HK1: variants seen among roughly 807,000 people sequenced by gnomAD.
The protein encoded by HK1 is hexokinase-1.
A neutral mutation model predicts 91.6 loss-of-function variants in HK1; 28 were observed. That is an observed-to-expected ratio of 0.31 (90% confidence interval 0.23 to 0.42). The LOEUF is 0.42. Ranked by LOEUF, HK1 falls within the 10% of genes least tolerant of loss-of-function variation. HK1 has a pLI of 1.00. For synonymous variants in HK1, 430 were observed against 468.1 expected (o/e 0.92, Z 1.05); for missense variants, 770 against 1,219.8 (o/e 0.63, Z 5.49).
intron 1 of HK1, chr10:69,338,567 C>T (rs1304648534): frequency 7.8e-7 from 1 of 1,289,542 alleles, no homozygotes; most frequent in Non-Finnish European, 1.0e-6. Flanking sequence ...TCCCCAACTC[C>T]CAAATGGAGT....
chr10:69,349,586 G>A (rs1303153366), intron 2 of HK1, among the ~76,000 whole-genome samples: 3 of 152,198 alleles, frequency 2.0e-5, no homozygotes, highest in Middle Eastern at 3.2e-3. Flanking sequence ...TACAGGGGAA[G>A]GAGGCAGAGA....
At chr10:69,283,026 T>G (rs1363293678) in intron 2 of HK1, among the ~76,000 whole-genome samples, 1 of 145,484 alleles carries the variant, frequency 6.9e-6, no homozygotes, top group African/African-American at 2.6e-5. Context: ...CTTCGGAGGC[T>G]GAGGCAGGAG....
In HK1 at chr10:69,358,758, G is replaced by A. The variant is rs571332923; in HGVS notation, c.227-1139G>A. 3.3e-5 allele frequency among the ~76,000 whole-genome samples: 5 copies of A among 151,848 alleles called. No homozygotes were observed. The South Asian group carries it at 1.0e-3, about 32-fold the overall frequency. ...GATGCCTGTAATCCCAGCTACTCGG[G>A]AAGCTGAGGCAGGAGAATCACTTGA... On this transcript the variant is annotated intron_variant, in intron 2 of 17. Coordinates refer to ENST00000359426, the MANE Select transcript of HK1 (RefSeq NM_000188.3).
chr10:69,306,615 A>G (rs1328191741), intron 5 of HK1, among the ~76,000 whole-genome samples: 1 of 152,196 alleles, frequency 6.6e-6, no homozygotes, highest in Admixed American at 6.5e-5. Flanking sequence ...AAGTAAAGTA[A>G]GCATAGAATA....
At position 69,382,511 on chromosome 10, in the gene HK1, T is replaced by A; in HGVS notation, c.1290T>A (p.Thr430=). 6.2e-7 allele frequency: 1 copy of A among 1,614,182 alleles called. No individual in the cohort carries two copies. Among genetic ancestry groups the A allele is most frequent in the South Asian group, 1.1e-5 (1 of 91,080 alleles). ...GGTATTCCCGGCGTTTCCACAAGAC[T>A]CTAAGGCGCTTGGTGCCAGACTCCG... ...HPQYSRRFHK[T]LRRLVPDSDV... The change falls in exon 10 of 18, where the codon ACT becomes ACA. Residue 430 remains threonine (T), a synonymous_variant. Transcript: ENST00000359426.
intron 3 of HK1, among the ~76,000 whole-genome samples, chr10:69,362,771 C>T (rs1440494448): frequency 2.0e-5 from 3 of 152,148 alleles, no homozygotes; most frequent in East Asian, 1.9e-4. Flanking sequence ...GTGCAGATGG[C>T]GTGGGGCGCC....
intron 1 of HK1, among the ~76,000 whole-genome samples, chr10:69,273,121 C>T (rs975441668): frequency 6.6e-6 from 1 of 150,972 alleles, no homozygotes; most frequent in Non-Finnish European, 1.5e-5. Flanking sequence ...ATTTCCGCCT[C>T]TTGGGTTCAA....
chr10:69,354,299 AAAG>A (rs1164412162), intron 2 of HK1, among the ~76,000 whole-genome samples: 1 of 152,232 alleles, frequency 6.6e-6, no homozygotes, highest in African/African-American at 2.4e-5. Flanking sequence ...ATACTGTTAA[AAAG>A]AACTGCCTAA....
chr10:69,371,496 C>A (rs1850003569), intron 7 of HK1, among the ~76,000 whole-genome samples: 1 of 152,206 alleles, frequency 6.6e-6, no homozygotes, highest in South Asian at 2.1e-4. Flanking sequence ...CTAAAATTCT[C>A]AAATCTCCAC....
chr10:69,352,502 T>C (rs1848930059), intron 2 of HK1, among the ~76,000 whole-genome samples: 1 of 152,190 alleles, frequency 6.6e-6, no homozygotes, highest in African/African-American at 2.4e-5. Flanking sequence ...AGTGGCTTCA[T>C]GTGATATATA....
intron 14 of HK1, 89 bp downstream of exon 14, chr10:69,389,385 C>T: frequency 1.5e-6 from 1 of 663,438 alleles, no homozygotes; most frequent in Non-Finnish European, 2.5e-6. Flanking sequence ...GCTTGGTCCT[C>T]TGTATGGGGT....
At chr10:69,302,144 G>A (rs1360562109) in intron 5 of HK1, among the ~76,000 whole-genome samples, 3 of 151,812 alleles carry the variant, frequency 2.0e-5, no homozygotes, top group African/African-American at 7.3e-5. Flanking sequence ...CTACTTGGGA[G>A]GCTGAGGCAG....
At chr10:69,294,861 C>CAATA (rs777530931) in intron 3 of HK1, among the ~76,000 whole-genome samples, 129 of 151,052 alleles carry the variant, frequency 8.5e-4, no homozygotes, top group African/African-American at 2.8e-3. Flanking sequence ...GACTCCATCT[C>CAATA]AATAAATAAA....
chr10:69,398,818 C>G lies in HK1; in HGVS notation c.2599C>G (p.Leu867Val), dbSNP rs1840257966. 29 of 1,609,576 alleles carry G rather than the reference C, an allele frequency of 1.8e-5. No homozygotes were observed. The highest frequency in any genetic ancestry group is 2.5e-5 in the Non-Finnish European group (29 of 1,176,056). ...GGGAGTGGACGGGACACTCTACAAG[C>G]TTCATCCACAGTGAGTGGGCCTTCC... ...TVGVDGTLYK[L>V]HPHFSRIMHQ... Residue 867 changes from leucine (L) to valine (V), a missense_variant, in exon 17 of 18, where the codon CTT becomes GTT. Coordinates refer to ENST00000359426, the MANE Select transcript of HK1 (RefSeq NM_000188.3).
At chr10:69,358,668 C>CCTGG (rs35827992) in intron 2 of HK1, among the ~76,000 whole-genome samples, 43,791 of 151,718 alleles carry the variant, frequency 0.29, 8,535 homozygotes, top group African/African-American at 0.55. Context: ...TTGAGACCAG[C>CCTGG]CTGGCCGACA....
chr10:69,280,950 A>C (rs1844715536), intron 1 of HK1, among the ~76,000 whole-genome samples: 2 of 152,098 alleles, frequency 1.3e-5, no homozygotes, highest in Admixed American at 6.5e-5. Context: ...AAATCTTTGC[A>C]TTTTTGTCTC....
At chr10:69,283,281 T>C (rs1844851963) in intron 2 of HK1, among the ~76,000 whole-genome samples, 1 of 144,600 alleles carries the variant, frequency 6.9e-6, no homozygotes, top group Non-Finnish European at 1.5e-5. Context: ...ATCCCATCTC[T>C]ACCAAAATTA....
intron 2 of HK1, among the ~76,000 whole-genome samples, chr10:69,354,387 T>TA (rs1849028732): frequency 6.6e-6 from 1 of 152,138 alleles, no homozygotes; most frequent in South Asian, 2.1e-4. Flanking sequence ...TCAGGAAACT[T>TA]ACAATCATGG....
In HK1 at chr10:69,393,385, C is replaced by A. The variant is rs796159153; in HGVS notation, c.2219+1077C>A. The stretch of plus-strand genomic sequence containing the variant: ...TGGTGCGAGCTCAGCTCACTGCCAC[C>A]TCCTGGGTTCAAGTGATTCTCCTGC... On this transcript the variant is annotated intron_variant, in intron 15 of 17. Coordinates refer to ENST00000359426, the MANE Select transcript of HK1 (RefSeq NM_000188.3). Among the ~76,000 whole-genome samples the A allele has an allele frequency of 5.9e-4, 90 of 152,148 alleles. 2 individuals are homozygous for A. Among genetic ancestry groups the A allele is most frequent in the African/African-American group, 1.9e-3 (80 of 41,502 alleles).
Sources: allele counts gnomAD v4.1 joint callset (sites outside exome capture counted in the v4.1 genomes callset), GRCh38; gene constraint gnomAD v4.1.1; transcripts MANE v1.5; gene names NCBI Gene and HGNC (gene_info 2026-07-23, HGNC 2026-07-21).